The following NRG1 variants were observed in gnomAD, a reference collection of about 807,000 sequenced individuals.
NRG1 encodes pro-neuregulin-1, membrane-bound isoform.
In NRG1, 18 loss-of-function variants were observed where a neutral mutation model predicts 63.8. The ratio of observed to expected loss-of-function variants is 0.28; its 90% CI spans 0.19 to 0.42. The LOEUF (loss-of-function observed/expected upper bound fraction) is 0.42, where lower values mean the gene tolerates loss of function less well. Among genes scored for constraint, NRG1 ranks in the 10% least tolerant of loss-of-function variants. The pLI is 1.00. For synonymous variants in NRG1, 302 were observed against 301.3 expected (o/e 1.00, Z -0.02); for missense variants, 762 against 814.7 (o/e 0.94, Z 0.79).
intron 1 of NRG1, among the ~76,000 whole-genome samples, chr8:32,363,126 C>A (rs1807452791): frequency 6.6e-6 from 1 of 152,210 alleles, no homozygotes; most frequent in African/African-American, 2.4e-5. Context: ...TCTGCATCTT[C>A]AAACTTTTTC....
At chr8:31,860,198 C>G (rs1563495306) in intron 1 of NRG1, among the ~76,000 whole-genome samples, 1 of 152,280 alleles carries the variant, frequency 6.6e-6, no homozygotes, top group Non-Finnish European at 1.5e-5. Flanking sequence ...GATATAGTCT[C>G]CAAATGGATA....
intron 1 of NRG1, among the ~76,000 whole-genome samples, chr8:31,848,420 C>T (rs1826891514): frequency 6.6e-6 from 1 of 152,180 alleles, no homozygotes; most frequent in Non-Finnish European, 1.5e-5. Flanking sequence ...CCTCATCAGT[C>T]ACCCAGGCTC....
At position 31,751,226 on chromosome 8, in the gene NRG1, C is replaced by T. The variant is rs75822598; in HGVS notation, c.37+111795C>T. Among the ~76,000 whole-genome samples, 328 of 152,120 alleles carry T rather than the reference C, an allele frequency of 2.2e-3. 1 individual carries two copies. Among genetic ancestry groups the T allele is most frequent in the African/African-American group, 7.6e-3 (317 of 41,556 alleles). On this transcript the variant is annotated intron_variant, in intron 1 of 10. Transcript: ENST00000519301. The stretch of plus-strand genomic sequence containing the variant: ...CTTTGCAACTCTGAGCCAGTTGGCT[C>T]TCTCTGTATATCACTTTTGGAAAAG...
At chr8:31,722,039 T>A (rs1286920914) in intron 1 of NRG1, among the ~76,000 whole-genome samples, 1 of 152,110 alleles carries the variant, frequency 6.6e-6, no homozygotes, top group Non-Finnish European at 1.5e-5. Context: ...TCTTTCTTAA[T>A]GTCAAACCTG....
intron 1 of NRG1, among the ~76,000 whole-genome samples, chr8:32,113,284 C>T (rs1197915712): frequency 1.3e-5 from 2 of 152,090 alleles, no homozygotes; most frequent in Admixed American, 1.3e-4. Context: ...CAAGTTATTT[C>T]CCTCTTTTCT....
At chr8:32,597,347 G>A (rs977501611) in intron 2 of NRG1, among the ~76,000 whole-genome samples, 1 of 152,042 alleles carries the variant, frequency 6.6e-6, no homozygotes. Context: ...TCTGATGACT[G>A]TATTTTCTTT....
At chr8:32,233,323 G>A (rs1194332820) in intron 1 of NRG1, among the ~76,000 whole-genome samples, 1 of 151,460 alleles carries the variant, frequency 6.6e-6, no homozygotes, top group Admixed American at 6.6e-5. Context: ...TATTGCCTAG[G>A]CTGGTCTTGA....
At chr8:31,770,770 C>CATATATATAT (rs4036035) in intron 1 of NRG1, among the ~76,000 whole-genome samples, 44 of 140,490 alleles carry the variant, frequency 3.1e-4, no homozygotes, top group Non-Finnish European at 4.8e-4. Context: ...GTATAATAAA[C>CATATATATAT]ATATATATAT....
chr8:32,270,785 C>G (rs1851461245), intron 1 of NRG1, among the ~76,000 whole-genome samples: 1 of 152,188 alleles, frequency 6.6e-6, no homozygotes, highest in Non-Finnish European at 1.5e-5. Flanking sequence ...ATTGACACCA[C>G]AGAAATTGGC....
chr8:31,971,789 G>T (rs1046382499), intron 1 of NRG1, among the ~76,000 whole-genome samples: 2 of 151,224 alleles, frequency 1.3e-5, no homozygotes, highest in Non-Finnish European at 1.5e-5. Flanking sequence ...TTCTTTCATC[G>T]CCCCTGAAAC....
chr8:31,977,212 C>A (rs1808339925), intron 1 of NRG1, among the ~76,000 whole-genome samples: 1 of 152,152 alleles, frequency 6.6e-6, no homozygotes, highest in African/African-American at 2.4e-5. Context: ...ACATATACTT[C>A]TTTACTTGGA....
intron 1 of NRG1, among the ~76,000 whole-genome samples, chr8:31,691,670 GTTAATT>G (rs1308093933): frequency 2.8e-5 from 4 of 140,556 alleles, no homozygotes; most frequent in Non-Finnish European, 6.2e-5. Flanking sequence ...AAAAATAACC[GTTAATT>G]TTAATAAGTT....
At chr8:32,436,483 T>C (rs1315150353) in intron 1 of NRG1, among the ~76,000 whole-genome samples, 1 of 152,210 alleles carries the variant, frequency 6.6e-6, no homozygotes, top group Non-Finnish European at 1.5e-5. Flanking sequence ...GCTTTATAGT[T>C]ATCCAGTAAC....
chr8:31,844,348 C>G (rs1485457929), intron 1 of NRG1, among the ~76,000 whole-genome samples: 1 of 152,166 alleles, frequency 6.6e-6, no homozygotes, highest in Non-Finnish European at 1.5e-5. Flanking sequence ...GGGCAGCTCT[C>G]TGAGATTTCT....
At chr8:32,237,672 A>C (rs954613686) in intron 1 of NRG1, among the ~76,000 whole-genome samples, 4 of 152,136 alleles carry the variant, frequency 2.6e-5, no homozygotes, top group South Asian at 4.1e-4. Flanking sequence ...GCGCTGAGTT[A>C]TGAGTTGATA....
intron 1 of NRG1, chr8:32,139,406 A>C (rs1304580142): frequency 6.6e-6 from 1 of 152,228 alleles, no homozygotes; most frequent in African/African-American, 2.4e-5. Context: ...GTCATGAAAC[A>C]AAAGTTGAAA....
chr8:32,716,562 A>G (rs1819274779), intron 5 of NRG1, among the ~76,000 whole-genome samples: 1 of 152,220 alleles, frequency 6.6e-6, no homozygotes, highest in Non-Finnish European at 1.5e-5. Context: ...ATAGATAGAT[A>G]CAGTGCTACC....
At chr8:32,383,521 A>G (rs1284122143) in intron 1 of NRG1, among the ~76,000 whole-genome samples, 1 of 152,176 alleles carries the variant, frequency 6.6e-6, no homozygotes, top group Non-Finnish European at 1.5e-5. Flanking sequence ...ACACCCTGAA[A>G]TTTAGCATCT....
At chr8:32,206,332 G>A (rs1844058860) in intron 1 of NRG1, among the ~76,000 whole-genome samples, 1 of 152,046 alleles carries the variant, frequency 6.6e-6, no homozygotes, top group African/African-American at 2.4e-5. Context: ...CAAAGTGAAA[G>A]TCATGGAGCC....
Sources: allele counts gnomAD v4.1 joint callset (sites outside exome capture counted in the v4.1 genomes callset), GRCh38; gene constraint gnomAD v4.1.1; transcripts MANE v1.5; gene names NCBI Gene and HGNC (gene_info 2026-07-23, HGNC 2026-07-21).